Variants in GDF1 observed in about 807,000 individuals in gnomAD.
GDF1 encodes growth differentiation factor 1, also known as embryonic growth/differentiation factor 1.
In GDF1, 8 loss-of-function variants were observed where a neutral mutation model predicts 7.4. The ratio of observed to expected loss-of-function variants is 1.09; its 90% CI spans 0.64 to 1.96. The LOEUF (loss-of-function observed/expected upper bound fraction) is 1.96. GDF1 is among the 30% of genes most tolerant of loss of function. The pLI, the probability that GDF1 is intolerant of heterozygous loss-of-function variation, is 0.00. For missense variants in GDF1, 574 were observed against 551.5 expected (o/e 1.04, Z -0.41); for synonymous variants, 311 against 276.7 (o/e 1.12, Z -1.23).
chr19:18,879,071 A>G (rs776874915), intron 5 of GDF1, 32 bp from the exon 6 acceptor site: 1 of 1,609,124 alleles, frequency 6.2e-7, no homozygotes, highest in Admixed American at 1.7e-5. Flanking sequence ...GCCAGTGAGA[A>G]GAAAGCCCCC....
chr19:18,887,447 T>A (rs779395721), intron 2 of GDF1, among the ~76,000 whole-genome samples: 3 of 152,154 alleles, frequency 2.0e-5, no homozygotes, highest in Non-Finnish European at 4.4e-5. Flanking sequence ...TGAACAACAC[T>A]GTGAATGGAC....
intron 5 of GDF1, 59 bp from the exon 6 acceptor site, chr19:18,879,098 G>T: frequency 1.9e-6 from 3 of 1,597,366 alleles, no homozygotes; most frequent in South Asian, 1.1e-5. Flanking sequence ...CTGCCCTGCT[G>T]ACAGCCATGT....
At chr19:18,881,183 G>T (rs1193504958) in intron 3 of GDF1, among the ~76,000 whole-genome samples, 1 of 151,644 alleles carries the variant, frequency 6.6e-6, no homozygotes, top group Non-Finnish European at 1.5e-5. Context: ...TGCAGGAAAG[G>T]CCTCTGCCGC....
At chr19:18,875,046 G>GTAA (rs1176686879) in intron 6 of GDF1, among the ~76,000 whole-genome samples, 1 of 151,934 alleles carries the variant, frequency 6.6e-6, no homozygotes, top group South Asian at 2.1e-4. Flanking sequence ...ACCAAACTGG[G>GTAA]TAATATAGTG....
Position 18,868,902 on chromosome 19 carries a change from GC to G in GDF1, c.813del (p.Leu272CysfsTer3). 1 of 1,387,672 alleles carries G rather than the reference GC, an allele frequency of 7.2e-7. No individual in the cohort carries two copies. The highest frequency in any genetic ancestry group is 9.4e-7 in the Non-Finnish European group (1 of 1,062,158). The allele number at this position is 1,387,672 out of a possible 1,614,324, so 86.0% of individuals were successfully genotyped here. ...GGPGGACRAR[R>X]LYVSFREVGW... is the part of the protein sequence containing the mutation. ...CCCACCTCGCGGAAGCTCACGTACAGCCGCCGCGCGCGACAAGCGCCCCCGG... is the reference window on the plus strand; with the variant it reads ...CCCACCTCGCGGAAGCTCACGTACAGCGCCGCGCGCGACAAGCGCCCCCGG... On this transcript the variant is annotated frameshift_variant, in exon 8 of 8. Coordinates refer to ENST00000247005, the MANE Select transcript of GDF1 (RefSeq NM_001492.6). LOFTEE classifies it low-confidence loss of function (END_TRUNC).
chr19:18,869,436 C>T, intron 7 of GDF1, 46 bp from the exon 8 acceptor site: 1 of 1,519,706 alleles, frequency 6.6e-7, no homozygotes, highest in Non-Finnish European at 8.8e-7. Context: ...CGTCCCCGGC[C>T]TGCCCATGGG....
chr19:18,878,536 A>T lies in GDF1; in HGVS notation c.-313+394T>A. 1.9e-6 allele frequency: 2 copies of T among 1,029,190 alleles called. No homozygotes were observed. The highest frequency in any genetic ancestry group is 2.3e-6 in the Non-Finnish European group (2 of 855,570). 63.8% of individuals were successfully genotyped at this position (1,029,190 alleles called of 1,614,324 possible). Reference sequence around the variant, plus strand: ...TGGCCCTTGGCGTTCCTTCCTCCCCAGCCCCACTGCCACCAGCTCCAGTGG... The same window carrying T: ...TGGCCCTTGGCGTTCCTTCCTCCCCTGCCCCACTGCCACCAGCTCCAGTGG... On this transcript the variant is annotated intron_variant, in intron 6 of 7. Coordinates refer to ENST00000247005, the MANE Select transcript of GDF1 (RefSeq NM_001492.6). The surrounding 1 kb of genome is among the most constrained non-coding windows in gnomAD (Gnocchi z 4.6).
intron 1 of GDF1, 138 bp from the exon 2 acceptor site, chr19:18,893,713 C>A (rs933704982): frequency 6.9e-6 from 6 of 864,198 alleles, no homozygotes; most frequent in Admixed American, 2.7e-5. Context: ...CCACAGCCAC[C>A]TGGAGCATAA....
chr19:18,892,701 G>T (rs756443743), intron 2 of GDF1, among the ~76,000 whole-genome samples: 4 of 152,048 alleles, frequency 2.6e-5, no homozygotes, highest in Non-Finnish European at 4.4e-5. Context: ...CCCATGAAAC[G>T]TGAGTGCCTC....
intron 2 of GDF1, among the ~76,000 whole-genome samples, chr19:18,885,546 G>A (rs899966606): frequency 1.5e-4 from 21 of 140,968 alleles, no homozygotes; most frequent in African/African-American, 5.7e-4. Flanking sequence ...TTGAGATGGA[G>A]TCTTGCTCTG....
Position 18,868,844 on chromosome 19 carries a change from A to G in GDF1, c.872T>C (p.Phe291Ser), listed in dbSNP as rs2055903744. ...WHRWVIAPRGFLANYCQGQCA... is the reference protein window; with the variant it reads ...WHRWVIAPRGSLANYCQGQCA... The stretch of plus-strand genomic sequence containing the variant: ...CTGACCCTGGCAGTAGTTGGCCAGG[A>G]AGCCGCGCGGCGCGATGACCCAGCG... The change falls in exon 8 of 8, where the codon TTC (phenylalanine) becomes TCC (serine). Residue 291 changes from phenylalanine to serine, a missense_variant. Phe to Ser is a radical substitution (Grantham distance 155). Coordinates refer to ENST00000247005, the MANE Select transcript of GDF1 (RefSeq NM_001492.6). The G allele has an allele frequency of 6.9e-7, 1 of 1,450,758 alleles. No individual in the cohort carries two copies. The highest frequency in any genetic ancestry group is 9.1e-7 in the Non-Finnish European group (1 of 1,093,328). The allele number at this position is 1,450,758 out of a possible 1,614,324, so 89.9% of individuals were successfully genotyped here. A position where few individuals can be genotyped will look rare whatever the true frequency, so the allele number is the denominator to read the frequency against.
intron 4 of GDF1, among the ~76,000 whole-genome samples, chr19:18,879,805 C>T (rs1466641253): frequency 1.3e-5 from 2 of 150,184 alleles, no homozygotes; most frequent in African/African-American, 4.9e-5. Flanking sequence ...TGCCAGGCCC[C>T]GCCCACCTCA....
At position 18,869,178 on chromosome 19, in the gene GDF1, G is replaced by A. The variant is rs1327700282; in HGVS notation, c.538C>T (p.Pro180Ser). ...GGCACCAACTGGCGGAGCAGCACCG[G>A]CCCGGGGTCCGCGCCCGCGCCCTGG... ...AGQGAGADPGPVLLRQLVPAL... is the reference protein window; with the variant it reads ...AGQGAGADPGSVLLRQLVPAL... Residue 180 changes from proline (P) to serine (S), a missense_variant, in exon 8 of 8, where the codon CCG (proline) becomes TCG (serine). Coordinates refer to ENST00000247005, the MANE Select transcript of GDF1 (RefSeq NM_001492.6). The A allele has an allele frequency of 1.7e-6, 2 of 1,160,422 alleles. No individual in the cohort carries two copies. The highest frequency in any genetic ancestry group is 4.9e-5 in the Admixed American group (1 of 20,490). The allele number at this position is 1,160,422 out of a possible 1,614,324, so 71.9% of individuals were successfully genotyped here.
chr19:18,869,252 G>A lies in GDF1; in HGVS notation c.464C>T (p.Ala155Val), dbSNP rs973565739. Residue 155 changes from alanine to valine, a missense_variant, in exon 8 of 8, where the codon GCG (alanine) becomes GTG (valine). Ala to Val is a moderately conservative substitution (Grantham distance 64, BLOSUM62 0). Transcript: ENST00000247005. The part of the protein sequence containing the change: ...ARLELRFAAA[A>V]AAAPEGGWEL... The stretch of plus-strand genomic sequence containing the variant: ...CCAGCCGCCCTCCGGGGCTGCCGCC[G>A]CCGCCGCCGCGAAACGCAGCTCCAG... The A allele has an allele frequency of 1.7e-5, 25 of 1,440,978 alleles. No individual in the cohort carries two copies. The African/African-American group carries it at 3.8e-4, about 22-fold the overall frequency. 89.3% of individuals were successfully genotyped at this position (1,440,978 alleles called of 1,614,324 possible).
At chr19:18,885,644 C>T (rs1256842722) in intron 2 of GDF1, among the ~76,000 whole-genome samples, 1 of 151,148 alleles carries the variant, frequency 6.6e-6, no homozygotes, top group South Asian at 2.1e-4. Context: ...CTCAGCATGC[C>T]AAGTAGCTGG....
intron 2 of GDF1, among the ~76,000 whole-genome samples, chr19:18,893,135 G>A (rs983522144): frequency 6.6e-6 from 1 of 152,030 alleles, no homozygotes. Flanking sequence ...GGATGGTCTC[G>A]ATCTCCTAAC....
In GDF1 at chr19:18,877,869, C is replaced by A. The variant is rs191836897; in HGVS notation, c.-313+1061G>T. 7.6e-4 allele frequency: 524 copies of A among 688,958 alleles called. No individual in the cohort carries two copies. In the Middle Eastern group the frequency reaches 0.011, roughly 14 times the overall value. The allele number at this position is 688,958 out of a possible 1,614,324, so 42.7% of individuals were successfully genotyped here. On this transcript the variant is annotated intron_variant, in intron 6 of 7. Coordinates refer to ENST00000247005, the MANE Select transcript of GDF1 (RefSeq NM_001492.6). Reference sequence around the variant, plus strand: ...CTGCCAGAACCCATGTGACCCTCTGCCCCAATCCCATCTCAGTCAATACCA... The same window carrying A: ...CTGCCAGAACCCATGTGACCCTCTGACCCAATCCCATCTCAGTCAATACCA...
intron 3 of GDF1, among the ~76,000 whole-genome samples, chr19:18,881,440 G>A (rs1219336055): frequency 6.6e-6 from 1 of 151,422 alleles, no homozygotes; most frequent in African/African-American, 2.4e-5. Context: ...CGCTGATCTC[G>A]AATTCCCAAC....
chr19:18,884,805 C>T (rs2056311084), intron 2 of GDF1, among the ~76,000 whole-genome samples: 1 of 149,644 alleles, frequency 6.7e-6, no homozygotes, highest in African/African-American at 2.5e-5. Flanking sequence ...CCTCCACCTC[C>T]CAGGTTCAAG....
Sources: allele counts gnomAD v4.1 joint callset (sites outside exome capture counted in the v4.1 genomes callset), GRCh38; gene constraint gnomAD v4.1.1; non-coding constraint Gnocchi (gnomAD v3.1); transcripts MANE v1.5; gene names NCBI Gene and HGNC (gene_info 2026-07-23, HGNC 2026-07-21).